DGKB: variants seen among roughly 807,000 people sequenced by gnomAD.
The protein encoded by DGKB is 90 kDa diacylglycerol kinase.
DGKB carries 67 observed loss-of-function variants against 114.3 expected under a neutral mutation model. The ratio of observed to expected loss-of-function variants is 0.59; its 90% CI spans 0.48 to 0.72. The LOEUF (loss-of-function observed/expected upper bound fraction) is 0.72. Among genes scored for constraint, DGKB ranks in the 30% least tolerant of loss-of-function variants. The probability of loss-of-function intolerance (pLI) is 0.00; values close to 1 mark genes in which losing one functional copy is unlikely to be tolerated. For synonymous variants in DGKB, 398 were observed against 323.1 expected (o/e 1.23, Z -2.49); for missense variants, 907 against 975.2 (o/e 0.93, Z 0.93).
At chr7:14,522,864 T>G (rs1201697795) in intron 20 of DGKB, among the ~76,000 whole-genome samples, 1 of 152,072 alleles carries the variant, frequency 6.6e-6, no homozygotes, top group Non-Finnish European at 1.5e-5. Context: ...ATAACAAAAG[T>G]TTAGATAGAG....
chr7:14,214,012 T>G (rs1216790031), intron 23 of DGKB, among the ~76,000 whole-genome samples: 3 of 152,130 alleles, frequency 2.0e-5, no homozygotes, highest in Non-Finnish European at 1.5e-5. Context: ...CTCTTGCCAT[T>G]TATCTCTTCC....
intron 21 of DGKB, among the ~76,000 whole-genome samples, chr7:14,372,324 A>T (rs1817793880): frequency 6.6e-6 from 1 of 152,180 alleles, no homozygotes; most frequent in Admixed American, 6.6e-5. Flanking sequence ...ATTAAAGCTC[A>T]CATAGTTGAT....
intron 21 of DGKB, among the ~76,000 whole-genome samples, chr7:14,356,275 C>T (rs1451340906): frequency 6.6e-6 from 1 of 151,188 alleles, no homozygotes; most frequent in Non-Finnish European, 1.5e-5. Flanking sequence ...TCTCTATCTC[C>T]TTCAGTTCTG....
intron 20 of DGKB, among the ~76,000 whole-genome samples, chr7:14,540,274 CCTTGGAAGCGCTGGT>C (rs1409410348): frequency 6.6e-6 from 1 of 151,936 alleles, no homozygotes; most frequent in Non-Finnish European, 1.5e-5. Flanking sequence ...TTTAATGATG[CCTTGGAAGCGCTGGT>C]CTTTTCCTTG....
chr7:14,210,958 A>G (rs533809839), intron 23 of DGKB, among the ~76,000 whole-genome samples: 1 of 152,076 alleles, frequency 6.6e-6, no homozygotes, highest in East Asian at 1.9e-4. Context: ...TGCCATCTGA[A>G]TATATTGATC....
intron 2 of DGKB, among the ~76,000 whole-genome samples, chr7:14,798,527 C>T (rs1841724414): frequency 6.6e-6 from 1 of 152,102 alleles, no homozygotes; most frequent in South Asian, 2.1e-4. Flanking sequence ...GTTAAGCTGA[C>T]TTTTTTCAGT....
intron 1 of DGKB, among the ~76,000 whole-genome samples, chr7:14,973,498 GTT>G (rs1787603582): frequency 7.4e-6 from 1 of 134,240 alleles, no homozygotes; most frequent in Admixed American, 7.2e-5. Context: ...TTGTTTTTTT[GTT>G]TTGTTTTGTT....
At chr7:14,900,856 C>T (rs1289893593) in intron 1 of DGKB, among the ~76,000 whole-genome samples, 1 of 152,112 alleles carries the variant, frequency 6.6e-6, no homozygotes, top group Non-Finnish European at 1.5e-5. Context: ...ACCTAATTTT[C>T]TTCCTCTTTA....
intron 23 of DGKB, among the ~76,000 whole-genome samples, chr7:14,318,559 G>A (rs898498262): frequency 1.3e-5 from 2 of 152,206 alleles, no homozygotes; most frequent in Non-Finnish European, 2.9e-5. Flanking sequence ...CTGGCCATCA[G>A]AGAAATGCTA....
chr7:14,189,905 A>C (rs954322990), intron 23 of DGKB, among the ~76,000 whole-genome samples: 1 of 152,222 alleles, frequency 6.6e-6, no homozygotes, highest in Admixed American at 6.5e-5. Flanking sequence ...TCAAATATAT[A>C]GAGCAACCGT....
chr7:14,772,214 A>G (rs1295757024), intron 2 of DGKB, among the ~76,000 whole-genome samples: 1 of 152,166 alleles, frequency 6.6e-6, no homozygotes, highest in Non-Finnish European at 1.5e-5. Context: ...GTCAAGGGCC[A>G]TGGTCATTCA....
intron 1 of DGKB, among the ~76,000 whole-genome samples, chr7:14,892,397 A>G (rs986401703): frequency 2.0e-5 from 3 of 151,310 alleles, no homozygotes; most frequent in Non-Finnish European, 4.4e-5. Flanking sequence ...AAATTGCCAT[A>G]CAGACCTCTA....
At position 14,599,601 on chromosome 7, in the gene DGKB, T is replaced by C. The variant is rs865972545; in HGVS notation, c.1433+7833A>G. Among the ~76,000 whole-genome samples the C allele has an allele frequency of 3.3e-5, 5 of 152,332 alleles. No individual in the cohort carries two copies. In the Middle Eastern group the frequency reaches 0.01, roughly 311 times the overall value. Reference sequence around the variant, plus strand: ...TCACCAACAATGCACACTCCTTGTTTACATTCCCTGCTAATATATGTATAT... The same window carrying C: ...TCACCAACAATGCACACTCCTTGTTCACATTCCCTGCTAATATATGTATAT... On this transcript the variant is annotated intron_variant, in intron 17 of 25. Coordinates refer to ENST00000402815, the MANE Select transcript of DGKB (RefSeq NM_001350709.2).
At chr7:14,822,815 G>T (rs909986963) in intron 2 of DGKB, among the ~76,000 whole-genome samples, 2 of 152,048 alleles carry the variant, frequency 1.3e-5, no homozygotes, top group Non-Finnish European at 2.9e-5. Context: ...TTCCACAATT[G>T]TTCTAACAAA....
intron 23 of DGKB, chr7:14,192,126 G>A (rs187425539): frequency 5.9e-6 from 2 of 339,982 alleles, no homozygotes; most frequent in Admixed American, 3.5e-5. Flanking sequence ...CAGAGTTGGT[G>A]AGGAAGAAAT....
intron 20 of DGKB, among the ~76,000 whole-genome samples, chr7:14,524,348 A>G (rs1009753545): frequency 6.6e-6 from 1 of 152,190 alleles, no homozygotes; most frequent in African/African-American, 2.4e-5. Flanking sequence ...TGGTAGAAGA[A>G]TACCTTTTCC....
At chr7:14,776,474 T>C (rs1306367693) in intron 2 of DGKB, among the ~76,000 whole-genome samples, 1 of 152,178 alleles carries the variant, frequency 6.6e-6, no homozygotes, top group South Asian at 2.1e-4. Context: ...AGGGCCCACC[T>C]GCTGTGTGCA....
chr7:14,839,155 T>C (rs1220660708), intron 2 of DGKB, among the ~76,000 whole-genome samples: 4 of 152,008 alleles, frequency 2.6e-5, no homozygotes, highest in African/African-American at 9.7e-5. Flanking sequence ...ATAAATTCCT[T>C]GAATGGAGGA....
intron 23 of DGKB, among the ~76,000 whole-genome samples, chr7:14,306,753 C>A (rs1441573621): frequency 6.6e-6 from 1 of 151,982 alleles, no homozygotes; most frequent in African/African-American, 2.4e-5. Flanking sequence ...CTTTATGAGC[C>A]CTCATGGTGC....
Sources: gnomAD v4.1 joint callset for allele counts (sites outside exome capture counted in the v4.1 genomes callset) on GRCh38, gnomAD v4.1.1 for gene constraint, MANE v1.5 for transcripts, NCBI Gene and HGNC (gene_info 2026-07-23, HGNC 2026-07-21) for gene names.